Variants in ACBD6 observed in about 807,000 individuals in gnomAD.
The protein encoded by ACBD6 is acyl-CoA binding domain containing 6.
ACBD6 carries 28 observed loss-of-function variants against 37.2 expected under a neutral mutation model. The ratio of observed to expected loss-of-function variants is 0.75; its 90% CI spans 0.56 to 1.03. The LOEUF (loss-of-function observed/expected upper bound fraction) is 1.03, where lower values mean the gene tolerates loss of function less well. Ranked by LOEUF, ACBD6 falls within the 50% of genes least tolerant of loss-of-function variation. ACBD6 has a pLI of 0.00. For missense variants in ACBD6, 340 were observed against 337.4 expected, an observed-to-expected ratio of 1.01 and a Z score of -0.06; for synonymous variants, 113 against 126.8, an observed-to-expected ratio of 0.89 and a Z score of 0.73.
chr1:180,349,890 A>T (rs1652339482), intron 6 of ACBD6, among the ~76,000 whole-genome samples: 1 of 152,130 alleles, frequency 6.6e-6, no homozygotes, highest in Admixed American at 6.5e-5. Context: ...AAGCTACCAT[A>T]AAATCACGTA....
At chr1:180,308,139 G>C (rs915563981) in intron 7 of ACBD6, among the ~76,000 whole-genome samples, 1 of 151,814 alleles carries the variant, frequency 6.6e-6, no homozygotes, top group African/African-American at 2.4e-5. Context: ...TAAAATTTCT[G>C]TATTTTTTTA....
chr1:180,437,266 A>T (rs955454534), intron 3 of ACBD6, among the ~76,000 whole-genome samples: 1 of 152,182 alleles, frequency 6.6e-6, no homozygotes. Context: ...CCACAACTTG[A>T]AGCCAGTTGG....
intron 3 of ACBD6, among the ~76,000 whole-genome samples, chr1:180,430,665 T>C (rs1359241114): frequency 1.4e-5 from 2 of 144,348 alleles, no homozygotes; most frequent in African/African-American, 2.6e-5. Flanking sequence ...TACATTACAG[T>C]AAAAGTTCAA....
chr1:180,435,825 T>TA (rs1020776804), intron 3 of ACBD6: 1 of 1,037,216 alleles, frequency 9.6e-7, no homozygotes, highest in Non-Finnish European at 1.5e-6. Flanking sequence ...CTGATGGGTT[T>TA]AGGATACACT....
At chr1:180,290,527 G>C (rs1318348260) in intron 7 of ACBD6, among the ~76,000 whole-genome samples, 1 of 152,114 alleles carries the variant, frequency 6.6e-6, no homozygotes, top group African/African-American at 2.4e-5. Flanking sequence ...CAGGAATACA[G>C]GTAAGATTCC....
At chr1:180,430,375 A>G in intron 3 of ACBD6, 113 bp from the exon 4 acceptor site, 1 of 899,906 alleles carries the variant, frequency 1.1e-6, no homozygotes, top group South Asian at 1.3e-5. Context: ...TTTACCCTCA[A>G]CCATCTCTTC....
intron 3 of ACBD6, among the ~76,000 whole-genome samples, chr1:180,490,883 G>A (rs2102087841): frequency 6.7e-6 from 1 of 150,116 alleles, no homozygotes; most frequent in Non-Finnish European, 1.5e-5. Flanking sequence ...ACTTGAACCT[G>A]GGAGGTGGAG....
chr1:180,395,604 A>G (rs1286162441), intron 6 of ACBD6, among the ~76,000 whole-genome samples: 1 of 152,180 alleles, frequency 6.6e-6, no homozygotes, highest in African/African-American at 2.4e-5. Context: ...AATAAAAGGT[A>G]CCCAAATCAG....
At chr1:180,464,299 G>A (rs775423974) in intron 3 of ACBD6, among the ~76,000 whole-genome samples, 52 of 151,972 alleles carry the variant, frequency 3.4e-4, no homozygotes, top group Non-Finnish European at 5.0e-4. Flanking sequence ...CCATAGTCTC[G>A]GCCCCAAAGC....
intron 3 of ACBD6, among the ~76,000 whole-genome samples, chr1:180,437,462 T>A (rs1383694428): frequency 1.3e-5 from 2 of 152,188 alleles, no homozygotes; most frequent in East Asian, 3.9e-4. Context: ...AATCCCCACG[T>A]ATTTGGTCAC....
chr1:180,277,485 G>A (rs771580944), intron 9 of ACBD6: 24 of 152,168 alleles, frequency 1.6e-4, no homozygotes, highest in Non-Finnish European at 2.8e-4. Flanking sequence ...GAATCCAGGA[G>A]CAAATTAGTT....
At chr1:180,339,515 AC>A (rs1372756740) in intron 6 of ACBD6, among the ~76,000 whole-genome samples, 1 of 123,330 alleles carries the variant, frequency 8.1e-6, no homozygotes, top group Non-Finnish European at 1.7e-5. Context: ...GGAACATCAC[AC>A]CCCGGGGCCT....
In ACBD6 at chr1:180,271,033, A is replaced by G. The variant is rs143192763; in HGVS notation, c.*2192T>C. 4 of 369,050 alleles carry G rather than the reference A, an allele frequency of 1.1e-5. No individual in the cohort carries two copies. The East Asian group carries it at 2.7e-4, about 24-fold the overall frequency. The allele number at this position is 369,050 out of a possible 1,614,324, so 22.9% of individuals were successfully genotyped here. On this transcript the variant is annotated 3_prime_UTR_variant, in exon 14 of 14. Transcript: ENST00000642319. ...ACCTTCACAGCTCTGGCAAGAACTC[A>G]TGAGGATGTGTGAGCAGAGTGTTTG...
chr1:180,388,101 A>G (rs988432762), intron 6 of ACBD6, among the ~76,000 whole-genome samples: 1 of 151,002 alleles, frequency 6.6e-6, no homozygotes, highest in African/African-American at 2.4e-5. Flanking sequence ...GCGTGAACCC[A>G]GGAGGCGGAG....
At chr1:180,497,549 G>A (rs28506072) in intron 1 of ACBD6, among the ~76,000 whole-genome samples, 19,436 of 151,878 alleles carry the variant, frequency 0.13, 1,805 homozygotes, top group East Asian at 0.36. Flanking sequence ...TATATCTATC[G>A]ATATTTACCA....
chr1:180,337,869 C>G (rs1447556373), intron 6 of ACBD6, among the ~76,000 whole-genome samples: 12 of 151,172 alleles, frequency 7.9e-5, no homozygotes, highest in South Asian at 2.1e-4. Context: ...AACAGACAAA[C>G]AGCCAAATCA....
chr1:180,429,702 T>A (rs1648734608), intron 4 of ACBD6, among the ~76,000 whole-genome samples: 1 of 152,164 alleles, frequency 6.6e-6, no homozygotes, highest in Non-Finnish European at 1.5e-5. Flanking sequence ...TACTCCAAAA[T>A]TACTTTTAAT....
At chr1:180,297,234 C>G (rs1431661246) in intron 7 of ACBD6, among the ~76,000 whole-genome samples, 1 of 152,066 alleles carries the variant, frequency 6.6e-6, no homozygotes, top group Non-Finnish European at 1.5e-5. Context: ...GAAGTGTGCA[C>G]AGAGCCGACA....
intron 3 of ACBD6, among the ~76,000 whole-genome samples, chr1:180,468,047 G>A (rs1292536586): frequency 3.9e-5 from 6 of 152,320 alleles, no homozygotes; most frequent in Admixed American, 3.3e-4. Flanking sequence ...TGTGGCAGGA[G>A]TGGAGGAAAA....
Sources: gnomAD v4.1 joint callset for allele counts (sites outside exome capture counted in the v4.1 genomes callset) on GRCh38, gnomAD v4.1.1 for gene constraint, MANE v1.5 for transcripts, NCBI Gene and HGNC (gene_info 2026-07-23, HGNC 2026-07-21) for gene names.